Variants in PIK3R1 observed in about 807,000 individuals in gnomAD.
The protein encoded by PIK3R1 is phosphoinositide-3-kinase regulatory subunit 1, also known as phosphatidylinositol 3-kinase regulatory subunit alpha.
A neutral mutation model predicts 98.0 loss-of-function variants in PIK3R1; 29 were observed. That is an observed-to-expected ratio of 0.30 (90% CI 0.22 to 0.40). The LOEUF (loss-of-function observed/expected upper bound fraction) is 0.40. Ranked by LOEUF, PIK3R1 falls within the 10% of genes least tolerant of loss-of-function variation. The probability of loss-of-function intolerance (pLI) is 1.00; values close to 1 mark genes in which losing one functional copy is unlikely to be tolerated. For synonymous variants in PIK3R1, 282 were observed against 311.8 expected (o/e 0.90, Z 1.01); for missense variants, 596 against 872.7 (o/e 0.68, Z 3.99).
intron 2 of PIK3R1, among the ~76,000 whole-genome samples, chr5:68,273,056 C>T (rs1259612360): frequency 6.6e-6 from 1 of 152,136 alleles, no homozygotes; most frequent in Non-Finnish European, 1.5e-5. Context: ...CCTGGCTTCT[C>T]CCTGCACATC....
At chr5:68,221,994 C>A (rs1159718947) in intron 1 of PIK3R1, among the ~76,000 whole-genome samples, 3 of 152,184 alleles carry the variant, frequency 2.0e-5, no homozygotes, top group African/African-American at 7.2e-5. Context: ...CCCTTTGTTA[C>A]AATAACTTAT....
chr5:68,220,899 T>A (rs949598567), intron 1 of PIK3R1, among the ~76,000 whole-genome samples: 1 of 152,226 alleles, frequency 6.6e-6, no homozygotes, highest in East Asian at 1.9e-4. Flanking sequence ...TTTATTATGT[T>A]TACTAGGTGC....
At chr5:68,291,569 A>G (rs954933277) in intron 7 of PIK3R1, 1 of 152,262 alleles carries the variant, frequency 6.6e-6, no homozygotes, top group African/African-American at 2.4e-5. Flanking sequence ...ACCAATTGGT[A>G]TATATGAATA....
At chr5:68,234,651 G>T (rs1024396031) in intron 2 of PIK3R1, among the ~76,000 whole-genome samples, 1 of 152,182 alleles carries the variant, frequency 6.6e-6, no homozygotes, top group South Asian at 2.1e-4. Flanking sequence ...CAGTATCTGT[G>T]CAGTAGCGCT....
chr5:68,249,922 C>T (rs767208795), intron 2 of PIK3R1, among the ~76,000 whole-genome samples: 18 of 152,146 alleles, frequency 1.2e-4, no homozygotes, highest in Non-Finnish European at 1.0e-4. Context: ...AGTTCCCTGG[C>T]CATCACTGTT....
At chr5:68,264,555 A>C (rs1746044404) in intron 2 of PIK3R1, among the ~76,000 whole-genome samples, 1 of 152,226 alleles carries the variant, frequency 6.6e-6, no homozygotes, top group African/African-American at 2.4e-5. Flanking sequence ...AGATTAAATG[A>C]GATTAAACGC....
chr5:68,288,796 C>G, intron 7 of PIK3R1: 1 of 1,586,106 alleles, frequency 6.3e-7, no homozygotes, highest in African/African-American at 1.3e-5. Flanking sequence ...CTTATCTGAG[C>G]GGTGCCTTTC....
intron 2 of PIK3R1, among the ~76,000 whole-genome samples, chr5:68,234,988 T>C (rs1026939569): frequency 6.6e-6 from 1 of 152,192 alleles, no homozygotes; most frequent in Admixed American, 6.5e-5. Context: ...TAAAATGCAG[T>C]TTTCAGAACT....
chr5:68,227,021 T>C lies in PIK3R1; in HGVS notation c.334+12T>C, dbSNP rs189754791. ...TGTTGAACAACAAGGTCAGTATTGA[T>C]AAGTGGTTGCTTAATGACTCCCTTT... On this transcript the variant is annotated intron_variant, in intron 2 of 15. Transcript: ENST00000521381. 1.2e-4 allele frequency: 185 copies of C among 1,585,658 alleles called. 1 individual carries two copies. The African/African-American group carries it at 2.2e-3, about 18-fold the overall frequency.
At chr5:68,228,826 T>C (rs1228415315) in intron 2 of PIK3R1, among the ~76,000 whole-genome samples, 1 of 152,210 alleles carries the variant, frequency 6.6e-6, no homozygotes. Context: ...CATTTGATAA[T>C]TGCTATCAGG....
rs748521959 is a variant in PIK3R1, at chr5:68,297,640, C to T, written c.*39C>T. On this transcript the variant is annotated 3_prime_UTR_variant, in exon 16 of 16. Transcript: ENST00000521381. ...TGATCCTTCTCCTGAAGTTCAGCCA[C>T]CCTGAGGCCTCTGGAAAGCAAAGGG... 5.1e-6 allele frequency: 8 copies of T among 1,568,204 alleles called. No individual in the cohort carries two copies. The South Asian group carries it at 7.9e-5, about 16-fold the overall frequency.
intron 15 of PIK3R1, among the ~76,000 whole-genome samples, chr5:68,296,818 A>T (rs959676308): frequency 6.6e-6 from 1 of 152,204 alleles, no homozygotes; most frequent in Non-Finnish European, 1.5e-5. Flanking sequence ...TGACATCACC[A>T]TTTCCAAGAA....
At chr5:68,286,995 AATATT>A (rs1414053125) in intron 7 of PIK3R1, among the ~76,000 whole-genome samples, 4 of 152,204 alleles carry the variant, frequency 2.6e-5, no homozygotes, top group African/African-American at 9.7e-5. Context: ...AAAGTTTTTC[AATATT>A]ATATCAGTTG....
rs1744221618 is a variant in PIK3R1 at position 68,224,966 on chromosome 5, C to G, written c.-386-1324C>G. ...TGGTCTGTAGCAACCATTGCTACTT[C>G]CTCTCTAATATTTTTTAACTCCTTA... On this transcript the variant is annotated intron_variant, in intron 1 of 15. Coordinates refer to ENST00000521381, the MANE Select transcript of PIK3R1 (RefSeq NM_181523.3). Among the ~76,000 whole-genome samples the G allele has an allele frequency of 3.3e-5, 5 of 152,358 alleles. No individual in the cohort carries two copies. In the South Asian group the frequency reaches 1.0e-3, roughly 32 times the overall value.
intron 1 of PIK3R1, among the ~76,000 whole-genome samples, chr5:68,222,082 A>C (rs891125055): frequency 6.6e-6 from 1 of 152,246 alleles, no homozygotes; most frequent in African/African-American, 2.4e-5. Flanking sequence ...AATGTTATCT[A>C]CATATAAAAA....
At chr5:68,239,964 T>G (rs1482884493) in intron 2 of PIK3R1, 1 of 488,796 alleles carries the variant, frequency 2.0e-6, no homozygotes, top group East Asian at 4.8e-5. Flanking sequence ...GGCAGTTCAT[T>G]CCTCCTGCAT....
chr5:68,231,581 T>C (rs1342667404), intron 2 of PIK3R1, among the ~76,000 whole-genome samples: 1 of 152,192 alleles, frequency 6.6e-6, no homozygotes, highest in Non-Finnish European at 1.5e-5. Context: ...ATCACAAACA[T>C]TGACTACACT....
Position 68,272,252 on chromosome 5 carries a change from C to CAA in PIK3R1, c.335-1121_335-1120dup, listed in dbSNP as rs36123886. Among the ~76,000 whole-genome samples the CAA allele has an allele frequency of 1.2e-3, 56 of 46,858 alleles. 1 individual carries two copies. Among genetic ancestry groups the CAA allele is most frequent in the African/African-American group, 3.5e-3 (45 of 12,882 alleles). The allele number at this position is 46,858 out of a possible 152,430, so 30.7% of individuals were successfully genotyped here. On this transcript the variant is annotated intron_variant, in intron 2 of 15. Coordinates refer to ENST00000521381, the MANE Select transcript of PIK3R1 (RefSeq NM_181523.3). ...TGGGTGACAGAGCGAGACCCTGTCT[C>CAA]AAAAAAAAAAAAAAAAAAGAAAAAG...
At chr5:68,282,531 G>A (rs1477994207) in intron 7 of PIK3R1, among the ~76,000 whole-genome samples, 12 of 152,122 alleles carry the variant, frequency 7.9e-5, no homozygotes, top group Admixed American at 7.9e-4. Context: ...ATGGAATTTT[G>A]GAGAATTTCT....
Sources: gnomAD v4.1 joint callset for allele counts (sites outside exome capture counted in the v4.1 genomes callset) on GRCh38, gnomAD v4.1.1 for gene constraint, MANE v1.5 for transcripts, NCBI Gene and HGNC (gene_info 2026-07-23, HGNC 2026-07-21) for gene names.